TPCN1: variants seen among roughly 807,000 people sequenced by gnomAD.
The protein encoded by TPCN1 is two pore channel protein 1.
A neutral mutation model predicts 108.8 loss-of-function variants in TPCN1; 52 were observed. The observed-to-expected ratio is 0.48, with a 90% confidence interval of 0.38 to 0.60. The LOEUF (loss-of-function observed/expected upper bound fraction) is 0.60, where lower values mean the gene tolerates loss of function less well. Among genes scored for constraint, TPCN1 ranks in the 20% least tolerant of loss-of-function variants. The probability of loss-of-function intolerance (pLI) is 0.00; values close to 1 mark genes in which losing one functional copy is unlikely to be tolerated. For missense variants in TPCN1, 806 were observed against 1,072.8 expected, an observed-to-expected ratio of 0.75 and a Z score of 3.47; for synonymous variants, 446 against 433.7, an observed-to-expected ratio of 1.03 and a Z score of -0.35.
rs560710381 is a variant in TPCN1, at chr12:113,277,355, C to A, written c.1175C>A (p.Pro392His). 5.0e-6 allele frequency: 8 copies of A among 1,614,180 alleles called. No homozygotes were observed. Among genetic ancestry groups the A allele is most frequent in the East Asian group, 2.2e-5 (1 of 44,888 alleles). Reference sequence around the variant, plus strand: ...AAGGCCCTGAATCAGAACAACACACCCCTGCTCAGGTAAGAGCAGATGCCT... The same window carrying A: ...AAGGCCCTGAATCAGAACAACACACACCTGCTCAGGTAAGAGCAGATGCCT... ...TFKALNQNNT[P>H]LLSLKDFYDI... Residue 392 changes from proline (P) to histidine (H), a missense_variant, in exon 12 of 28, where the codon CCC becomes CAC. Transcript: ENST00000335509.
intron 3 of TPCN1, among the ~76,000 whole-genome samples, chr12:113,261,233 A>C (rs1955018322): frequency 6.6e-6 from 1 of 152,128 alleles, no homozygotes; most frequent in Non-Finnish European, 1.5e-5. Flanking sequence ...ATACATGCTT[A>C]TTACAATAAA....
chr12:113,224,144 A>T (rs1953378331), intron 1 of TPCN1, among the ~76,000 whole-genome samples: 1 of 152,184 alleles, frequency 6.6e-6, no homozygotes, highest in Non-Finnish European at 1.5e-5. Context: ...TTGAGGAATT[A>T]TAGTGTAATG....
chr12:113,287,242 C>T, intron 19 of TPCN1, 148 bp downstream of exon 19: 1 of 656,082 alleles, frequency 1.5e-6, no homozygotes, highest in Non-Finnish European at 2.7e-6. Flanking sequence ...ACCATGGGGT[C>T]AACATCCCCA....
chr12:113,257,586 A>T (rs1161929426), intron 2 of TPCN1, among the ~76,000 whole-genome samples: 1 of 152,244 alleles, frequency 6.6e-6, no homozygotes. Context: ...GAGAATGTAA[A>T]ATGGTACAAT....
At chr12:113,221,912 C>T (rs1253671927) in intron 1 of TPCN1, among the ~76,000 whole-genome samples, 4 of 152,238 alleles carry the variant, frequency 2.6e-5, no homozygotes, top group African/African-American at 9.6e-5. Flanking sequence ...CTGCCTCCTT[C>T]TTCCTCCCTC....
At chr12:113,287,201 CAG>C (rs749946634) in intron 19 of TPCN1, 107 bp downstream of exon 19, 2 of 889,300 alleles carry the variant, frequency 2.2e-6, no homozygotes, top group Non-Finnish European at 3.6e-6. Flanking sequence ...GTTCACAAGC[CAG>C]AGTCACAGAT....
At chr12:113,281,659 C>T (rs1955888895) in intron 15 of TPCN1, among the ~76,000 whole-genome samples, 1 of 152,184 alleles carries the variant, frequency 6.6e-6, no homozygotes, top group South Asian at 2.1e-4. Context: ...CCACCTCAGT[C>T]TTCTGAGTAG....
At chr12:113,278,021 C>T (rs1007789066) in intron 12 of TPCN1, among the ~76,000 whole-genome samples, 168 bp from the exon 13 acceptor site, 2 of 152,142 alleles carry the variant, frequency 1.3e-5, no homozygotes, top group African/African-American at 2.4e-5. Flanking sequence ...GAGATCCAAA[C>T]GCTTGCAGGT....
rs569116603 is a variant in TPCN1 at position 113,275,593 on chromosome 12, G to A, written c.943-1326G>A. 1.4e-4 allele frequency among the ~76,000 whole-genome samples: 21 copies of A among 145,014 alleles called. No individual in the cohort carries two copies. In the South Asian group the frequency reaches 4.4e-3, roughly 30 times the overall value. On this transcript the variant is annotated intron_variant, in intron 10 of 27. Transcript: ENST00000335509. ...AAATATTTCCTTTTTTTTTTTTTGA[G>A]ACAGAGACTTGCTCTGTTGCCCAGG...
At chr12:113,278,948 T>G (rs1003251379) in intron 14 of TPCN1, 113 bp downstream of exon 14, 4 of 884,214 alleles carry the variant, frequency 4.5e-6, no homozygotes, top group African/African-American at 3.4e-5. Flanking sequence ...GTGTGTGTGT[T>G]TGTCTGAATG....
In TPCN1 at chr12:113,290,946, C is replaced by A. The variant is rs767312668; in HGVS notation, c.1913-6C>A. Reference sequence around the variant, plus strand: ...CAGGATGCTTCTTTCTCTCTTCCCTCGGCAGTGACCCTGTTTGAGCTCACA... The same window carrying A: ...CAGGATGCTTCTTTCTCTCTTCCCTAGGCAGTGACCCTGTTTGAGCTCACA... On this transcript the variant is annotated splice_polypyrimidine_tract_variant and splice_region_variant and intron_variant, in intron 22 of 27. Coordinates refer to ENST00000335509, the MANE Select transcript of TPCN1 (RefSeq NM_017901.6). The A allele has an allele frequency of 1.2e-6, 2 of 1,613,712 alleles. No homozygotes were observed. The highest frequency in any genetic ancestry group is 1.7e-5 in the Admixed American group (1 of 60,024).
chr12:113,277,193 G>A (rs1955703733), intron 11 of TPCN1, 47 bp from the exon 12 acceptor site: 4 of 1,610,028 alleles, frequency 2.5e-6, no homozygotes, highest in Admixed American at 3.4e-5. Flanking sequence ...GTGCCCCAAG[G>A]GAAGGGGAGT....
At chr12:113,265,689 G>A (rs951927133) in intron 3 of TPCN1, among the ~76,000 whole-genome samples, 2 of 151,928 alleles carry the variant, frequency 1.3e-5, no homozygotes, top group African/African-American at 4.8e-5. Flanking sequence ...TGGCACCAGG[G>A]GTCTCAACAT....
chr12:113,242,763 C>A (rs1954199971), intron 2 of TPCN1, among the ~76,000 whole-genome samples: 2 of 152,176 alleles, frequency 1.3e-5, no homozygotes, highest in Admixed American at 1.3e-4. Flanking sequence ...CTCACCCCAT[C>A]CCCATCCACC....
intron 2 of TPCN1, among the ~76,000 whole-genome samples, chr12:113,253,208 GA>G (rs758578278): frequency 6.6e-6 from 1 of 152,194 alleles, no homozygotes; most frequent in Non-Finnish European, 1.5e-5. Context: ...GCTGTTGTAA[GA>G]ACTAAGTGGG....
intron 3 of TPCN1, among the ~76,000 whole-genome samples, chr12:113,265,876 C>T (rs999269223): frequency 2.0e-5 from 3 of 152,094 alleles, no homozygotes; most frequent in South Asian, 2.1e-4. Context: ...GGGATCTTCC[C>T]GCCTTGGCCT....
intron 2 of TPCN1, among the ~76,000 whole-genome samples, chr12:113,237,332 C>G (rs1007538919): frequency 6.6e-6 from 1 of 152,028 alleles, no homozygotes; most frequent in African/African-American, 2.4e-5. Flanking sequence ...GTCCCAGAAG[C>G]TCAGCTCAGT....
At chr12:113,245,379 C>T (rs1371415313) in intron 2 of TPCN1, among the ~76,000 whole-genome samples, 4 of 149,322 alleles carry the variant, frequency 2.7e-5, no homozygotes, top group East Asian at 4.1e-4. Context: ...GGGCGGATCA[C>T]GAGGTCAGGA....
intron 15 of TPCN1, among the ~76,000 whole-genome samples, chr12:113,281,584 C>T (rs1179160213): frequency 6.6e-6 from 1 of 152,136 alleles, no homozygotes; most frequent in Non-Finnish European, 1.5e-5. Flanking sequence ...AGACTTAGGT[C>T]TGGTGCCCTA....
Sources: gnomAD v4.1 joint callset for allele counts (sites outside exome capture counted in the v4.1 genomes callset) on GRCh38, gnomAD v4.1.1 for gene constraint, MANE v1.5 for transcripts, NCBI Gene and HGNC (gene_info 2026-07-23, HGNC 2026-07-21) for gene names.